The following VSNL1 variants were observed in gnomAD, a reference collection of about 807,000 sequenced individuals.
VSNL1 encodes the protein visinin-like protein 1.
In VSNL1, 6 loss-of-function variants were observed where a neutral mutation model predicts 20.4. That is an observed-to-expected ratio of 0.29 (90% CI 0.16 to 0.58). VSNL1 has a LOEUF of 0.58. VSNL1 is among the 20% of genes least tolerant of loss of function. The pLI is 0.90. For missense variants in VSNL1, 100 were observed against 234.5 expected, an observed-to-expected ratio of 0.43 and a Z score of 3.75; for synonymous variants, 93 against 86.4, an observed-to-expected ratio of 1.08 and a Z score of -0.42.
At chr2:17,640,406 C>T (rs796628791) in intron 2 of VSNL1, among the ~76,000 whole-genome samples, 18 of 152,222 alleles carry the variant, frequency 1.2e-4, no homozygotes, top group Non-Finnish European at 2.5e-4. Context: ...CTCTCCACCA[C>T]AGCATAGCAT....
intron 3 of VSNL1, among the ~76,000 whole-genome samples, chr2:17,651,813 G>C (rs1219332685): frequency 6.6e-6 from 1 of 152,120 alleles, no homozygotes; most frequent in Non-Finnish European, 1.5e-5. Context: ...ACATTTTCCT[G>C]CTTCGTGACA....
chr2:17,610,098 G>GCC, intron 2 of VSNL1, among the ~76,000 whole-genome samples: 1 of 152,240 alleles, frequency 6.6e-6, no homozygotes, highest in Non-Finnish European at 1.5e-5. Context: ...TAGGGTAAGG[G>GCC]ACAAACACCT....
At chr2:17,595,811 A>G (rs1167445131) in intron 2 of VSNL1, among the ~76,000 whole-genome samples, 2 of 152,212 alleles carry the variant, frequency 1.3e-5, no homozygotes, top group African/African-American at 2.4e-5. Context: ...TCTACCAGCC[A>G]GGGAGAGAAG....
intron 1 of VSNL1, among the ~76,000 whole-genome samples, chr2:17,579,097 CTTCTTTCT>C (rs1230081117): frequency 1.3e-5 from 2 of 152,042 alleles, no homozygotes; most frequent in South Asian, 4.1e-4. Context: ...ACAAAGCCCC[CTTCTTTCT>C]TTCTTTCTTT....
chr2:17,596,381 A>C (rs1372641209), intron 2 of VSNL1, among the ~76,000 whole-genome samples: 1 of 152,218 alleles, frequency 6.6e-6, no homozygotes, highest in Non-Finnish European at 1.5e-5. Flanking sequence ...TATTTTCAAC[A>C]ATCATTTTGA....
At chr2:17,580,333 G>A (rs368061167) in intron 1 of VSNL1, among the ~76,000 whole-genome samples, 1 of 152,140 alleles carries the variant, frequency 6.6e-6, no homozygotes, top group African/African-American at 2.4e-5. Flanking sequence ...AACCTTATCT[G>A]CTGCGTTTCC....
Position 17,649,594 on chromosome 2 carries a change from T to C in VSNL1, c.347T>C (p.Ile116Thr), listed in dbSNP as rs1484528886. The change falls in exon 3 of 4, where the codon ATC becomes ACC. Residue 116 changes from isoleucine (I) to threonine (T), a missense_variant. Physicochemically the swap from Ile to Thr is moderately conservative, Grantham distance 89 (BLOSUM62 -1). Coordinates refer to ENST00000295156, the MANE Select transcript of VSNL1 (RefSeq NM_003385.5). This position sits in a 1 kb window ranked among gnomAD's most constrained non-coding sequence, Gnocchi z 6.4. ...TATGACCTGGATGGTGATGGCAAGA[T>C]CACCCGAGTGGAGATGCTGGAGATC... The part of the protein sequence containing the change: ...NMYDLDGDGK[I>T]TRVEMLEIIE... The C allele has an allele frequency of 6.2e-7, 1 of 1,614,096 alleles. No individual in the cohort carries two copies. The highest frequency in any genetic ancestry group is 1.7e-5 in the Admixed American group (1 of 60,024).
chr2:17,578,262 A>G (rs1664264434), intron 1 of VSNL1, among the ~76,000 whole-genome samples: 1 of 152,170 alleles, frequency 6.6e-6, no homozygotes, highest in African/African-American at 2.4e-5. Context: ...TTTGCTGTAG[A>G]CAACACAACT....
At chr2:17,648,388 A>G (rs1041878356) in intron 2 of VSNL1, among the ~76,000 whole-genome samples, 2 of 152,230 alleles carry the variant, frequency 1.3e-5, no homozygotes, top group African/African-American at 4.8e-5. Context: ...CAAAGAGGCC[A>G]TCTGTATGAA....
At chr2:17,631,868 A>T (rs1477444025) in intron 2 of VSNL1, among the ~76,000 whole-genome samples, 2 of 152,200 alleles carry the variant, frequency 1.3e-5, no homozygotes, top group Non-Finnish European at 2.9e-5. Flanking sequence ...GACTAGAATG[A>T]AGGTAAGGTT....
intron 1 of VSNL1, among the ~76,000 whole-genome samples, chr2:17,574,715 G>A (rs780370926): frequency 1.3e-5 from 2 of 152,172 alleles, no homozygotes; most frequent in Non-Finnish European, 2.9e-5. Context: ...GTTGGATGTG[G>A]AAAAGAGCCT....
chr2:17,629,890 T>G (rs1278118298), intron 2 of VSNL1, among the ~76,000 whole-genome samples: 4 of 152,154 alleles, frequency 2.6e-5, no homozygotes, highest in Admixed American at 6.5e-5. Flanking sequence ...CACAGTCAGG[T>G]GATTTCTCTC....
intron 1 of VSNL1, among the ~76,000 whole-genome samples, chr2:17,574,288 A>G (rs1368701334): frequency 6.6e-6 from 1 of 152,018 alleles, no homozygotes; most frequent in African/African-American, 2.4e-5. Flanking sequence ...CCTGAGAATG[A>G]TTATATATGG....
chr2:17,582,959 A>G (rs1215536949), intron 1 of VSNL1, among the ~76,000 whole-genome samples: 4 of 152,166 alleles, frequency 2.6e-5, no homozygotes, highest in Non-Finnish European at 4.4e-5. Flanking sequence ...CTTCAACTAG[A>G]ACATTTTACT....
In VSNL1 at chr2:17,548,952, T is replaced by C. The variant is rs151129019; in HGVS notation, c.-6+8034T>C. Among the ~76,000 whole-genome samples the C allele has an allele frequency of 1.3e-4, 20 of 152,324 alleles. No individual in the cohort carries two copies. The East Asian group carries it at 3.5e-3, about 26-fold the overall frequency. On this transcript the variant is annotated intron_variant, in intron 1 of 3. Coordinates refer to ENST00000295156, the MANE Select transcript of VSNL1 (RefSeq NM_003385.5). Reference sequence around the variant, plus strand: ...CCTCTAGTGACTAATGTTCAGTTGATGAACAGTCCTCTCCCACTCCAGTGA... The same window carrying C: ...CCTCTAGTGACTAATGTTCAGTTGACGAACAGTCCTCTCCCACTCCAGTGA...
chr2:17,559,546 T>C (rs183756891), intron 1 of VSNL1, among the ~76,000 whole-genome samples: 153 of 152,322 alleles, frequency 1.0e-3, no homozygotes, highest in Non-Finnish European at 1.7e-3. Context: ...TTTCATCTTA[T>C]TCAAATCACT....
intron 1 of VSNL1, among the ~76,000 whole-genome samples, chr2:17,580,397 A>T (rs1664323591): frequency 6.6e-6 from 1 of 152,300 alleles, no homozygotes; most frequent in East Asian, 1.9e-4. Context: ...CTGGGACCTC[A>T]ACCTGAAACT....
chr2:17,621,669 C>A (rs2103402883), intron 2 of VSNL1, among the ~76,000 whole-genome samples: 1 of 152,182 alleles, frequency 6.6e-6, no homozygotes, highest in South Asian at 2.1e-4. Flanking sequence ...ATTTTGTCAC[C>A]CAGGCTGGAG....
At chr2:17,632,144 C>T (rs1665648066) in intron 2 of VSNL1, among the ~76,000 whole-genome samples, 2 of 152,186 alleles carry the variant, frequency 1.3e-5, no homozygotes, top group African/African-American at 4.8e-5. Context: ...ACAGGGATTA[C>T]AGGCGTGAGC....
Sources: allele counts gnomAD v4.1 joint callset (sites outside exome capture counted in the v4.1 genomes callset), GRCh38; gene constraint gnomAD v4.1.1; non-coding constraint Gnocchi (gnomAD v3.1); transcripts MANE v1.5; gene names NCBI Gene and HGNC (gene_info 2026-07-23, HGNC 2026-07-21).